Variants in TSPYL1 observed in about 807,000 individuals in gnomAD.
TSPYL1 encodes the protein TSPY like 1.
Under a neutral mutation model 20.1 loss-of-function variants are expected in TSPYL1, and 16 were observed. That is an observed-to-expected ratio of 0.80 (90% CI 0.54 to 1.21). The LOEUF (loss-of-function observed/expected upper bound fraction) is 1.21, where lower values mean the gene tolerates loss of function less well. TSPYL1 is among the 50% of genes most tolerant of loss of function. TSPYL1 has a pLI of 0.00. For missense variants in TSPYL1, 560 were observed against 569.3 expected, an observed-to-expected ratio of 0.98 and a Z score of 0.17; for synonymous variants, 259 against 227.1, an observed-to-expected ratio of 1.14 and a Z score of -1.26.
chr6:116,279,391 C>T lies in TSPYL1; in HGVS notation c.440G>A (p.Gly147Glu). Reference sequence around the variant, plus strand: ...CACCTCCTCCGCCTCAGCCTCCGCCCCCGCCGTCAGCTCAGACGCGGATCT... The same window carrying T: ...CACCTCCTCCGCCTCAGCCTCCGCCTCCGCCGTCAGCTCAGACGCGGATCT... The part of the protein sequence containing the change: ...AQRSASELTA[G>E]AEAEAEEVKT... Residue 147 changes from glycine (G) to glutamate (E), a missense_variant, in exon 1 of 1, where the codon GGG (glycine) becomes GAG (glutamate). By Grantham distance (98) the Gly-to-Glu change is moderately conservative. Transcript: ENST00000368608. 1 of 1,613,064 alleles carries T rather than the reference C, an allele frequency of 6.2e-7. No individual in the cohort carries two copies. Among genetic ancestry groups the T allele is most frequent in the Non-Finnish European group, 8.5e-7 (1 of 1,180,044 alleles).
rs1042505773 is a variant in TSPYL1 at position 116,275,693 on chromosome 6, G to T, written c.*2824C>A. ...CACGTGCCTGTAGTCCCAGCTACTC[G>T]GGAGGCTGATGCTGGAGAACTGCTT... On this transcript the variant is annotated 3_prime_UTR_variant, in exon 1 of 1. Transcript: ENST00000368608. Among the ~76,000 whole-genome samples, 1 of 152,040 alleles carries T rather than the reference G, an allele frequency of 6.6e-6. No homozygotes were observed. The highest frequency in any genetic ancestry group is 2.4e-5 in the African/African-American group (1 of 41,386).
chr6:116,276,017 TCTTA>T lies in TSPYL1; in HGVS notation c.*2496_*2499del, dbSNP rs1773126071. ...CCAAAGAAGGGAATGGACTTTATCT[TCTTA>T]CTCTTTTTCTCTATTTGTGGAATTC... On this transcript the variant is annotated 3_prime_UTR_variant, in exon 1 of 1. Coordinates refer to ENST00000368608, the MANE Select transcript of TSPYL1 (RefSeq NM_003309.4). Among the ~76,000 whole-genome samples the T allele has an allele frequency of 6.6e-6, 1 of 152,250 alleles. No individual in the cohort carries two copies. The highest frequency in any genetic ancestry group is 2.1e-4 in the South Asian group (1 of 4,830).
Position 116,276,193 on chromosome 6 carries a change from G to T in TSPYL1, c.*2324C>A, listed in dbSNP as rs760626747. 6.6e-6 allele frequency among the ~76,000 whole-genome samples: 1 copy of T among 152,154 alleles called. No homozygotes were observed. Among genetic ancestry groups the T allele is most frequent in the Non-Finnish European group, 1.5e-5 (1 of 68,018 alleles). The stretch of plus-strand genomic sequence containing the variant: ...AGGGCAGGCCTTGAAGGATTTGACA[G>T]AAGAGAACAGTGAGGAAGTTTAAAG... On this transcript the variant is annotated 3_prime_UTR_variant, in exon 1 of 1. Transcript: ENST00000368608.
Position 116,278,281 on chromosome 6 carries a change from G to A in TSPYL1, c.*236C>T, listed in dbSNP as rs1170862391. On this transcript the variant is annotated 3_prime_UTR_variant, in exon 1 of 1. Coordinates refer to ENST00000368608, the MANE Select transcript of TSPYL1 (RefSeq NM_003309.4). ...TTGGCTTACAAGTAGTGTGAAGGAT[G>A]ACCTCGTAGCATGTGATATTCCAGA... is the stretch of plus-strand genomic sequence containing the variant. 5.6e-6 allele frequency: 3 copies of A among 539,718 alleles called. No individual in the cohort carries two copies. The highest frequency in any genetic ancestry group is 1.9e-5 in the African/African-American group (1 of 52,662). The allele number at this position is 539,718 out of a possible 1,614,324, so 33.4% of individuals were successfully genotyped here.
rs1773339506 is a variant in TSPYL1 at position 116,279,337 on chromosome 6, G to C, written c.494C>G (p.Ala165Gly). The change falls in exon 1 of 1, where the codon GCA (alanine) becomes GGA (glycine). Residue 165 changes from alanine to glycine, a missense_variant. Transcript: ENST00000368608. ...AGCGCTCTCCCTCTCAGCCACGGCT[G>C]CTGAGACGGTGGCGCACTTTCCTGT... ...VKTGKCATVS[A>G]AVAERESAEV... 6.2e-7 allele frequency: 1 copy of C among 1,611,044 alleles called. No homozygotes were observed. The highest frequency in any genetic ancestry group is 1.7e-5 in the Admixed American group (1 of 59,992).
Position 116,279,793 on chromosome 6 carries a change from A to C in TSPYL1, c.38T>G (p.Leu13Arg). ...AGAAATAATGATGCTGTGGGTTTGG[A>C]GGGGAGTGGTCCTCTTGACCCCATC... ...GLDGVKRTTP[L>R]QTHSIIISDQ... Residue 13 changes from leucine (L) to arginine (R), a missense_variant, in exon 1 of 1, where the codon CTC becomes CGC. Physicochemically the swap from Leu to Arg is moderately radical, Grantham distance 102. Coordinates refer to ENST00000368608, the MANE Select transcript of TSPYL1 (RefSeq NM_003309.4). 1 of 1,612,786 alleles carries C rather than the reference A, an allele frequency of 6.2e-7. No individual in the cohort carries two copies. The highest frequency in any genetic ancestry group is 8.5e-7 in the Non-Finnish European group (1 of 1,180,018).
At position 116,275,596 on chromosome 6, in the gene TSPYL1, G is replaced by C. The variant is rs113337314; in HGVS notation, c.*2921C>G. Among the ~76,000 whole-genome samples, 976 of 152,116 alleles carry C rather than the reference G, an allele frequency of 6.4e-3. 10 individuals are homozygous for C. The highest frequency in any genetic ancestry group is 0.022 in the African/African-American group (921 of 41,486). On this transcript the variant is annotated 3_prime_UTR_variant, in exon 1 of 1. Coordinates refer to ENST00000368608, the MANE Select transcript of TSPYL1 (RefSeq NM_003309.4). ...TGGGCTGATCACGAGGTCAGGAGAT[G>C]GAGACCATCCTGGCTAACATGGTGA...
At position 116,278,330 on chromosome 6, in the gene TSPYL1, T is replaced by C; in HGVS notation, c.*187A>G. 1 of 674,308 alleles carries C rather than the reference T, an allele frequency of 1.5e-6. No homozygotes were observed. Among genetic ancestry groups the C allele is most frequent in the South Asian group, 1.9e-5 (1 of 53,474 alleles). 41.8% of individuals were successfully genotyped at this position (674,308 alleles called of 1,614,324 possible). On this transcript the variant is annotated 3_prime_UTR_variant, in exon 1 of 1. Transcript: ENST00000368608. ...GAACAGCATGAAGGTCATATGGAAG[T>C]GGAGAAGCATACCCACCACCGTCTC...
In TSPYL1 at chr6:116,279,928, A is replaced by C; in HGVS notation, c.-98T>G. 1.9e-6 allele frequency: 3 copies of C among 1,552,808 alleles called. No individual in the cohort carries two copies. The highest frequency in any genetic ancestry group is 1.8e-6 in the Non-Finnish European group (2 of 1,126,272). The stretch of plus-strand genomic sequence containing the variant: ...CTCGCACCGCCCACCCTACAGTCTC[A>C]CTAACATTTCAGCGGCGGTGTCGTC... On this transcript the variant is annotated 5_prime_UTR_variant, in exon 1 of 1. Coordinates refer to ENST00000368608, the MANE Select transcript of TSPYL1 (RefSeq NM_003309.4).
In TSPYL1 at chr6:116,278,591, C is replaced by G. The variant is rs778304109; in HGVS notation, c.1240G>C (p.Val414Leu). 1 of 1,614,188 alleles carries G rather than the reference C, an allele frequency of 6.2e-7. No homozygotes were observed. Among genetic ancestry groups the G allele is most frequent in the Admixed American group, 1.7e-5 (1 of 60,022 alleles). The change falls in exon 1 of 1, where the codon GTC (valine) becomes CTC (leucine). Residue 414 changes from valine (V) to leucine (L), a missense_variant. Transcript: ENST00000368608. ...PLQYYLLREG[V>L]RRARRRPLRE... The stretch of plus-strand genomic sequence containing the variant: ...AGCGGGCGACGTCGGGCTCTACGGA[C>G]TCCTTCACGCAACAGGTAGTATTGC...
rs1773055154 is a variant in TSPYL1, at chr6:116,274,933, G to A, written c.*3584C>T. Among the ~76,000 whole-genome samples, 7 of 152,162 alleles carry A rather than the reference G, an allele frequency of 4.6e-5. No homozygotes were observed. The highest frequency in any genetic ancestry group is 4.6e-4 in the Admixed American group (7 of 15,280). On this transcript the variant is annotated 3_prime_UTR_variant, in exon 1 of 1. Transcript: ENST00000368608. ...ATTCCTCAGGAAGTCGAGACATGCT[G>A]TCCTATGTAATTTTAGATTTACTAG...
Position 116,278,945 on chromosome 6 carries a change from G to A in TSPYL1, c.886C>T (p.Gln296Ter). ...ATGTACCTTAACATCTCTGCATCTT[G>A]GCCCCTAATCATGGCGGACAACTGG... ...HPQLSAMIRG[Q>*]DAEMLRYITN... The change falls in exon 1 of 1, where the codon CAA (glutamine) becomes TAA (stop). Residue 296 changes from glutamine (Q) to a stop codon, truncating the protein, a stop_gained. Coordinates refer to ENST00000368608, the MANE Select transcript of TSPYL1 (RefSeq NM_003309.4). LOFTEE classifies it high-confidence loss of function. 1 of 1,614,024 alleles carries A rather than the reference G, an allele frequency of 6.2e-7. No individual in the cohort carries two copies. The highest frequency in any genetic ancestry group is 8.5e-7 in the Non-Finnish European group (1 of 1,180,032).
In TSPYL1 at chr6:116,279,819, C is replaced by T. The variant is rs1773394508; in HGVS notation, c.12G>A (p.Leu4=). Residue 4 remains leucine, a synonymous_variant, in exon 1 of 1, where the codon CTG becomes CTA. Transcript: ENST00000368608. MSG[L]DGVKRTTPLQ... Reference sequence around the variant, plus strand: ...GGGGAGTGGTCCTCTTGACCCCATCCAGGCCGCTCATGTTGCTAACAGTCG... The same window carrying T: ...GGGGAGTGGTCCTCTTGACCCCATCTAGGCCGCTCATGTTGCTAACAGTCG... The T allele has an allele frequency of 6.2e-7, 1 of 1,613,044 alleles. No homozygotes were observed. Among genetic ancestry groups the T allele is most frequent in the East Asian group, 2.2e-5 (1 of 44,876 alleles).
At position 116,277,346 on chromosome 6, in the gene TSPYL1, T is replaced by A. The variant is rs1773193942; in HGVS notation, c.*1171A>T. 1 of 152,698 alleles carries A rather than the reference T, an allele frequency of 6.5e-6. No individual in the cohort carries two copies. Among genetic ancestry groups the A allele is most frequent in the Admixed American group, 6.5e-5 (1 of 15,284 alleles). The allele number at this position is 152,698 out of a possible 1,614,324, so 9.5% of individuals were successfully genotyped here. The stretch of plus-strand genomic sequence containing the variant: ...TCATCATTGGGGAGTAAGTACTCCT[T>A]CCTCGAAAGCTCTTAACGACAGCAC... On this transcript the variant is annotated 3_prime_UTR_variant, in exon 1 of 1. Coordinates refer to ENST00000368608, the MANE Select transcript of TSPYL1 (RefSeq NM_003309.4).
At position 116,277,728 on chromosome 6, in the gene TSPYL1, C is replaced by T. The variant is rs1374107901; in HGVS notation, c.*789G>A. ...ACCAGCCTGGCCAGCATGGTGAAAC[C>T]CCGTCTCTACTAAAAATATAAAAAT... On this transcript the variant is annotated 3_prime_UTR_variant, in exon 1 of 1. Transcript: ENST00000368608. 6.6e-6 allele frequency: 1 copy of T among 151,906 alleles called. No individual in the cohort carries two copies. Among genetic ancestry groups the T allele is most frequent in the African/African-American group, 2.4e-5 (1 of 41,346 alleles). 9.4% of individuals were successfully genotyped at this position (151,906 alleles called of 1,614,324 possible).
At position 116,279,702 on chromosome 6, in the gene TSPYL1, T is replaced by C; in HGVS notation, c.129A>G (p.Thr43=). 2.5e-6 allele frequency: 4 copies of C among 1,610,986 alleles called. No homozygotes were observed. Among genetic ancestry groups the C allele is most frequent in the Non-Finnish European group, 3.4e-6 (4 of 1,180,034 alleles). ...YLRLRDQSEA[T]QVMAEPGEGG... ...CCTCACCCGGCTCCGCCATCACCTG[T>C]GTCGCCTCGCTTTGGTCGCGGAGCC... Residue 43 remains threonine, a synonymous_variant, in exon 1 of 1, where the codon ACA becomes ACG. Coordinates refer to ENST00000368608, the MANE Select transcript of TSPYL1 (RefSeq NM_003309.4).
In TSPYL1 at chr6:116,279,343, A is replaced by T; in HGVS notation, c.488T>A (p.Val163Asp). The T allele has an allele frequency of 6.2e-7, 1 of 1,611,132 alleles. No individual in the cohort carries two copies. The highest frequency in any genetic ancestry group is 8.5e-7 in the Non-Finnish European group (1 of 1,179,944). The change falls in exon 1 of 1, where the codon GTC (valine) becomes GAC (aspartate). Residue 163 changes from valine to aspartate, a missense_variant. Val to Asp is a radical substitution (Grantham distance 152). Transcript: ENST00000368608. ...EEVKTGKCAT[V>D]SAAVAERESA... ...CTCCCTCTCAGCCACGGCTGCTGAG[A>T]CGGTGGCGCACTTTCCTGTCTTCAC...
Position 116,276,882 on chromosome 6 carries a change from C to G in TSPYL1, c.*1635G>C, listed in dbSNP as rs1172244671. 1 of 152,170 alleles carries G rather than the reference C, an allele frequency of 6.6e-6. No homozygotes were observed. The highest frequency in any genetic ancestry group is 2.4e-5 in the African/African-American group (1 of 41,438). 9.4% of individuals were successfully genotyped at this position (152,170 alleles called of 1,614,324 possible). A position where few individuals can be genotyped will look rare whatever the true frequency, so the allele number is the denominator to read the frequency against. On this transcript the variant is annotated 3_prime_UTR_variant, in exon 1 of 1. Transcript: ENST00000368608. ...CTAAGTTGTTACCAGGGAAAATTAT[C>G]ATGTAAGACAATCAATTAAACCATA...
rs888690960 is a variant in TSPYL1, at chr6:116,278,240, C to G, written c.*277G>C. On this transcript the variant is annotated 3_prime_UTR_variant, in exon 1 of 1. Transcript: ENST00000368608. ...GCAGTGCAGATAAAGGCAGTACAATCTACAGTATCATTTGCTTGGCTTACA... is the reference window on the plus strand; with the variant it reads ...GCAGTGCAGATAAAGGCAGTACAATGTACAGTATCATTTGCTTGGCTTACA... The G allele has an allele frequency of 2.3e-6, 1 of 438,678 alleles. No individual in the cohort carries two copies. The highest frequency in any genetic ancestry group is 4.8e-5 in the East Asian group (1 of 20,714). 27.2% of individuals were successfully genotyped at this position (438,678 alleles called of 1,614,324 possible).
Sources: gnomAD v4.1 joint callset for allele counts (sites outside exome capture counted in the v4.1 genomes callset) on GRCh38, gnomAD v4.1.1 for gene constraint, MANE v1.5 for transcripts, NCBI Gene and HGNC (gene_info 2026-07-23, HGNC 2026-07-21) for gene names.